GOLM2: variants seen among roughly 807,000 people sequenced by gnomAD.
GOLM2 encodes the protein protein GOLM2.
In GOLM2, 26 loss-of-function variants were observed where a neutral mutation model predicts 55.9. That is an observed-to-expected ratio of 0.47 (90% CI 0.34 to 0.65). The LOEUF (loss-of-function observed/expected upper bound fraction) is 0.65, where lower values mean the gene tolerates loss of function less well. Ranked by LOEUF, GOLM2 falls within the 30% of genes least tolerant of loss-of-function variation. The pLI, the probability that GOLM2 is intolerant of heterozygous loss-of-function variation, is 0.01. For synonymous variants in GOLM2, 165 were observed against 194.6 expected, an observed-to-expected ratio of 0.85 and a Z score of 1.27; for missense variants, 486 against 531.8, an observed-to-expected ratio of 0.91 and a Z score of 0.85.
chr15:44,366,558 C>T (rs997590529), intron 6 of GOLM2, among the ~76,000 whole-genome samples: 6 of 152,118 alleles, frequency 3.9e-5, no homozygotes, highest in Non-Finnish European at 8.8e-5. Context: ...CACTTGAGCA[C>T]AGGGGATTGA....
intron 6 of GOLM2, among the ~76,000 whole-genome samples, chr15:44,358,851 CT>C (rs2079215280): frequency 6.6e-6 from 1 of 152,126 alleles, no homozygotes; most frequent in Non-Finnish European, 1.5e-5. Context: ...ATGAGCTGGA[CT>C]TCATTAAGAT....
chr15:44,356,000 C>A (rs930177818), intron 6 of GOLM2, among the ~76,000 whole-genome samples: 1 of 151,928 alleles, frequency 6.6e-6, no homozygotes, highest in Non-Finnish European at 1.5e-5. Context: ...AAGAAGAAAT[C>A]TCAGGAGAAA....
At chr15:44,359,843 C>A (rs2079224599) in intron 6 of GOLM2, among the ~76,000 whole-genome samples, 1 of 152,200 alleles carries the variant, frequency 6.6e-6, no homozygotes, top group Admixed American at 6.5e-5. Flanking sequence ...ATCAGACTAA[C>A]AGCGGATCTC....
intron 2 of GOLM2, among the ~76,000 whole-genome samples, chr15:44,327,193 C>T (rs567480876): frequency 2.4e-4 from 36 of 151,650 alleles, no homozygotes; most frequent in Admixed American, 2.0e-3. Context: ...TCAGGCGATC[C>T]ACCCGCCTCC....
intron 1 of GOLM2, among the ~76,000 whole-genome samples, chr15:44,316,125 C>G (rs1301930376): frequency 1.3e-5 from 2 of 152,170 alleles, no homozygotes; most frequent in Non-Finnish European, 2.9e-5. Context: ...AAGATAATCT[C>G]TTTTTCTAGT....
chr15:44,402,315 T>C (rs1035035068), intron 8 of GOLM2, among the ~76,000 whole-genome samples: 1 of 152,046 alleles, frequency 6.6e-6, no homozygotes, highest in Non-Finnish European at 1.5e-5. Flanking sequence ...TTCTTTGTCA[T>C]CCCTTTTTGG....
At chr15:44,356,924 A>G (rs895718016) in intron 6 of GOLM2, among the ~76,000 whole-genome samples, 5 of 152,206 alleles carry the variant, frequency 3.3e-5, no homozygotes, top group African/African-American at 1.2e-4. Context: ...TAATCCTAGC[A>G]CTTTGGGAGG....
rs888765280 is a variant in GOLM2 at position 44,288,885 on chromosome 15, CT to C, written c.-144del. 8.5e-6 allele frequency: 6 copies of C among 704,722 alleles called. No homozygotes were observed. The Admixed American group carries it at 1.5e-4, about 18-fold the overall frequency. The allele number at this position is 704,722 out of a possible 1,614,324, so 43.7% of individuals were successfully genotyped here. On this transcript the variant is annotated 5_prime_UTR_variant, in exon 1 of 10. Transcript: ENST00000299957. The stretch of plus-strand genomic sequence containing the variant: ...CTGCGGCTTGCGGCCCCGCCCCCTT[CT>C]CCGGCTCGCAGCCGACCGGTAAGCC...
intron 8 of GOLM2, among the ~76,000 whole-genome samples, chr15:44,381,840 C>T (rs956177881): frequency 2.6e-5 from 4 of 151,824 alleles, no homozygotes; most frequent in South Asian, 2.1e-4. Flanking sequence ...TTTTTAGAGA[C>T]GGGGGTCTCG....
chr15:44,402,800 CTTG>C, intron 8 of GOLM2, 84 bp from the exon 9 acceptor site: 1 of 1,380,620 alleles, frequency 7.2e-7, no homozygotes, highest in Non-Finnish European at 1.0e-6. Context: ...CCAGCTTTCA[CTTG>C]TTTACTTTCT....
chr15:44,331,417 C>G (rs1367464923), intron 3 of GOLM2, among the ~76,000 whole-genome samples: 6 of 152,156 alleles, frequency 3.9e-5, no homozygotes, highest in African/African-American at 1.4e-4. Flanking sequence ...TATGTGTATC[C>G]TTTGACTACT....
chr15:44,328,810 T>C lies in GOLM2; in HGVS notation c.485+23T>C, dbSNP rs368306241. 3 of 1,433,286 alleles carry C rather than the reference T, an allele frequency of 2.1e-6. No individual in the cohort carries two copies. In the African/African-American group the frequency reaches 4.3e-5, roughly 21 times the overall value. The allele number at this position is 1,433,286 out of a possible 1,614,324, so 88.8% of individuals were successfully genotyped here. ...AAGGTAAGATGTTACATGCAACATA[T>C]GTTTATGAATCTAAAATATTTGTCC... On this transcript the variant is annotated intron_variant, in intron 3 of 9. Coordinates refer to ENST00000299957, the MANE Select transcript of GOLM2 (RefSeq NM_138423.4).
intron 6 of GOLM2, among the ~76,000 whole-genome samples, chr15:44,338,543 C>T (rs2079072141): frequency 6.6e-6 from 1 of 152,014 alleles, no homozygotes; most frequent in Non-Finnish European, 1.5e-5. Flanking sequence ...TAAGAATCAC[C>T]TATATTTGAA....
intron 1 of GOLM2, among the ~76,000 whole-genome samples, chr15:44,298,462 GA>G (rs1255223687): frequency 7.2e-6 from 1 of 139,324 alleles, no homozygotes; most frequent in Non-Finnish European, 1.6e-5. Flanking sequence ...TTTTAGTAAA[GA>G]TGGGGTTTTA....
intron 8 of GOLM2, among the ~76,000 whole-genome samples, chr15:44,399,642 A>G (rs1286983838): frequency 6.6e-6 from 1 of 152,214 alleles, no homozygotes; most frequent in Non-Finnish European, 1.5e-5. Flanking sequence ...AATGATATAT[A>G]TTTTTTAGTA....
chr15:44,324,400 T>C (rs779524533), intron 2 of GOLM2, among the ~76,000 whole-genome samples: 14 of 152,186 alleles, frequency 9.2e-5, no homozygotes, highest in South Asian at 2.1e-4. Context: ...TGTATAGCTA[T>C]ACAACTTTTG....
intron 6 of GOLM2, among the ~76,000 whole-genome samples, chr15:44,378,451 A>C (rs2079379689): frequency 7.0e-6 from 1 of 143,630 alleles, no homozygotes; most frequent in Non-Finnish European, 1.5e-5. Flanking sequence ...TCCACCTCCC[A>C]GGTTCAAGAG....
intron 8 of GOLM2, among the ~76,000 whole-genome samples, chr15:44,394,505 C>A (rs1383928221): frequency 1.3e-5 from 2 of 152,172 alleles, no homozygotes; most frequent in Admixed American, 6.6e-5. Flanking sequence ...TTCCACAAGT[C>A]CAGTCCATCA....
chr15:44,392,524 G>T (rs1021388787), intron 8 of GOLM2, among the ~76,000 whole-genome samples: 4 of 151,878 alleles, frequency 2.6e-5, no homozygotes, highest in Non-Finnish European at 5.9e-5. Context: ...TTAGGAGGCT[G>T]AGGCTGGAGA....
Sources: allele counts gnomAD v4.1 joint callset (sites outside exome capture counted in the v4.1 genomes callset), GRCh38; gene constraint gnomAD v4.1.1; transcripts MANE v1.5; gene names NCBI Gene and HGNC (gene_info 2026-07-23, HGNC 2026-07-21).